Variants in NOL4 observed in about 807,000 individuals in gnomAD.
NOL4 encodes the protein nucleolar protein 4.
NOL4 carries 17 observed loss-of-function variants against 75.9 expected under a neutral mutation model. The ratio of observed to expected loss-of-function variants is 0.22; its 90% CI spans 0.15 to 0.34. The LOEUF (loss-of-function observed/expected upper bound fraction) is 0.34, where lower values mean the gene tolerates loss of function less well. NOL4 is among the 10% of genes least tolerant of loss of function. NOL4 has a pLI of 1.00. For synonymous variants in NOL4, 292 were observed against 289.9 expected (o/e 1.01, Z -0.07); for missense variants, 614 against 793.5 (o/e 0.77, Z 2.72).
intron 5 of NOL4, among the ~76,000 whole-genome samples, chr18:34,029,204 T>G (rs1227921762): frequency 6.6e-6 from 1 of 152,158 alleles, no homozygotes; most frequent in South Asian, 2.1e-4. Context: ...ATAAACTATA[T>G]GATATCTCAG....
intron 5 of NOL4, among the ~76,000 whole-genome samples, chr18:34,040,038 A>G (rs62097848): frequency 0.43 from 65,540 of 151,762 alleles, 14,610 homozygotes; most frequent in South Asian, 0.52. Context: ...TACCTTGGGC[A>G]TATCAAACCC....
intron 8 of NOL4, among the ~76,000 whole-genome samples, chr18:33,950,891 C>A (rs1341210861): frequency 6.6e-6 from 1 of 152,094 alleles, no homozygotes; most frequent in East Asian, 1.9e-4. Context: ...CTCACACACA[C>A]CAGGTACCAT....
At chr18:33,874,957 G>T (rs2063863481) in intron 10 of NOL4, among the ~76,000 whole-genome samples, 1 of 151,966 alleles carries the variant, frequency 6.6e-6, no homozygotes, top group South Asian at 2.1e-4. Flanking sequence ...TGAATGTTAA[G>T]AGTTGGGAAA....
chr18:34,216,749 T>C (rs1020338288), intron 1 of NOL4, among the ~76,000 whole-genome samples: 1 of 151,612 alleles, frequency 6.6e-6, no homozygotes, highest in Non-Finnish European at 1.5e-5. Flanking sequence ...AAGTCAATAA[T>C]ACTTATAAAA....
intron 9 of NOL4, among the ~76,000 whole-genome samples, chr18:33,897,670 T>C (rs1315252573): frequency 6.6e-6 from 1 of 152,004 alleles, no homozygotes; most frequent in Admixed American, 6.6e-5. Flanking sequence ...GGGCTTAATA[T>C]CTGAGTGACA....
intron 5 of NOL4, among the ~76,000 whole-genome samples, chr18:34,019,910 A>G (rs1297893123): frequency 6.6e-6 from 1 of 151,812 alleles, no homozygotes; most frequent in East Asian, 1.9e-4. Context: ...TGCCATCCCC[A>G]TGGTAATGAG....
intron 1 of NOL4, among the ~76,000 whole-genome samples, chr18:34,140,075 T>G (rs1420658183): frequency 2.0e-5 from 3 of 152,210 alleles, no homozygotes; most frequent in Admixed American, 2.0e-4. Flanking sequence ...CTTTTACATT[T>G]GCTGAGGAGT....
chr18:33,917,135 T>G (rs1159063308), intron 9 of NOL4, among the ~76,000 whole-genome samples: 1 of 152,174 alleles, frequency 6.6e-6, no homozygotes, highest in Non-Finnish European at 1.5e-5. Flanking sequence ...GGAGCCTAGA[T>G]TATGCAAATG....
chr18:34,053,944 T>C lies in NOL4; in HGVS notation c.773-34343A>G, dbSNP rs115762339. On this transcript the variant is annotated intron_variant, in intron 5 of 10. Coordinates refer to ENST00000261592, the MANE Select transcript of NOL4 (RefSeq NM_003787.5). Reference sequence around the variant, plus strand: ...ACTGACAATCAAGTATACTTCAACATGGATATGGTTTCATTTTTTTATTTA... The same window carrying C: ...ACTGACAATCAAGTATACTTCAACACGGATATGGTTTCATTTTTTTATTTA... 7.9e-3 allele frequency among the ~76,000 whole-genome samples: 1,198 copies of C among 151,980 alleles called. 18 individuals are homozygous for C. Among genetic ancestry groups the C allele is most frequent in the African/African-American group, 0.028 (1,157 of 41,524 alleles).
chr18:34,118,831 C>T (rs2079986474), intron 2 of NOL4, among the ~76,000 whole-genome samples: 1 of 152,136 alleles, frequency 6.6e-6, no homozygotes, highest in South Asian at 2.1e-4. Context: ...CAGTGTACAT[C>T]ATTGTACTAC....
intron 5 of NOL4, among the ~76,000 whole-genome samples, chr18:34,089,914 C>T (rs1199373328): frequency 1.3e-5 from 2 of 151,138 alleles, no homozygotes; most frequent in Non-Finnish European, 3.0e-5. Flanking sequence ...GGTCCCATGC[C>T]TTTTTTTTTC....
intron 8 of NOL4, among the ~76,000 whole-genome samples, chr18:33,946,061 T>A (rs1199626544): frequency 6.6e-6 from 1 of 151,720 alleles, no homozygotes; most frequent in Admixed American, 6.6e-5. Context: ...TACAAACCAT[T>A]GTTTTCAACT....
intron 2 of NOL4, among the ~76,000 whole-genome samples, chr18:34,123,452 G>GT (rs978867440): frequency 6.7e-6 from 1 of 149,060 alleles, no homozygotes; most frequent in Non-Finnish European, 1.5e-5. Flanking sequence ...GTGTATGTGT[G>GT]TAACTGATAA....
intron 9 of NOL4, among the ~76,000 whole-genome samples, chr18:33,890,142 C>T (rs993645220): frequency 2.0e-5 from 3 of 152,076 alleles, no homozygotes; most frequent in African/African-American, 2.4e-5. Context: ...AAAACCCCAT[C>T]GTCTCAGCCC....
At chr18:33,938,144 C>T (rs562263397) in intron 9 of NOL4, among the ~76,000 whole-genome samples, 21 of 152,140 alleles carry the variant, frequency 1.4e-4, no homozygotes, top group South Asian at 1.2e-3. Flanking sequence ...CTGGCTTTCT[C>T]GTGCAGCTGG....
chr18:33,952,647 A>G, intron 8 of NOL4, among the ~76,000 whole-genome samples: 1 of 152,182 alleles, frequency 6.6e-6, no homozygotes, highest in East Asian at 1.9e-4. Flanking sequence ...TTGTTCTGCC[A>G]GGTGTGGTGG....
At chr18:33,958,520 A>G (rs1568128063) in intron 6 of NOL4, 102 bp from the exon 7 acceptor site, 3 of 1,014,358 alleles carry the variant, frequency 3.0e-6, no homozygotes, top group East Asian at 2.4e-5. Context: ...AATCTTGTTT[A>G]TGAGTTGATA....
At chr18:34,100,684 C>A (rs2079006678) in intron 4 of NOL4, among the ~76,000 whole-genome samples, 1 of 152,156 alleles carries the variant, frequency 6.6e-6, no homozygotes. Context: ...TGGAATTTCC[C>A]AAATCAAAGT....
At chr18:34,011,603 G>A (rs1325614261) in intron 6 of NOL4, among the ~76,000 whole-genome samples, 1 of 151,342 alleles carries the variant, frequency 6.6e-6, no homozygotes, top group Non-Finnish European at 1.5e-5. Flanking sequence ...TAGAACTCAA[G>A]TGGAAAAAGA....
Sources: gnomAD v4.1 joint callset for allele counts (sites outside exome capture counted in the v4.1 genomes callset) on GRCh38, gnomAD v4.1.1 for gene constraint, MANE v1.5 for transcripts, NCBI Gene and HGNC (gene_info 2026-07-23, HGNC 2026-07-21) for gene names.